COL5A2: variants seen among roughly 807,000 people sequenced by gnomAD.
The protein encoded by COL5A2 is collagen type V alpha 2 chain.
Under a neutral mutation model 208.2 loss-of-function variants are expected in COL5A2, and 23 were observed. The ratio of observed to expected loss-of-function variants is 0.11; its 90% CI spans 0.08 to 0.16. COL5A2 has a LOEUF of 0.16. COL5A2 is among the 10% of genes least tolerant of loss of function. COL5A2 has a pLI of 1.00. For missense variants in COL5A2, 1,590 were observed against 1,956.4 expected (o/e 0.81, Z 3.53); for synonymous variants, 625 against 628.5 (o/e 0.99, Z 0.08).
the COL5A2 span, among the ~76,000 whole-genome samples, chr2:189,369,561 A>G: frequency 6.6e-5 from 10 of 152,160 alleles, no homozygotes; most frequent in Non-Finnish European, 8.8e-5. Context: ...GAATATCTAT[A>G]TATTCTGAAT....
chr2:189,357,892 G>C, the COL5A2 span, among the ~76,000 whole-genome samples: 4 of 152,070 alleles, frequency 2.6e-5, no homozygotes, highest in African/African-American at 9.7e-5. Context: ...GGGTTGTGAA[G>C]ACTGTGGGGA....
chr2:189,329,853 G>C, the COL5A2 span, among the ~76,000 whole-genome samples: 1 of 151,130 alleles, frequency 6.6e-6, no homozygotes, highest in Non-Finnish European at 1.5e-5. Context: ...AGTCAGAAGA[G>C]ATTGTCACTC....
intron 3 of COL5A2, among the ~76,000 whole-genome samples, chr2:189,102,269 T>C (rs1363835561): frequency 6.6e-6 from 1 of 152,082 alleles, no homozygotes; most frequent in East Asian, 1.9e-4. Flanking sequence ...ATACTTGCTT[T>C]ATATGTAGGG....
intron 33 of COL5A2, among the ~76,000 whole-genome samples, chr2:189,058,121 T>C (rs975138428): frequency 6.6e-6 from 1 of 152,196 alleles, no homozygotes; most frequent in Non-Finnish European, 1.5e-5. Flanking sequence ...TCTATTTCTT[T>C]CCTCTGTTTA....
At chr2:189,147,259 C>A (rs1210529105) in intron 1 of COL5A2, among the ~76,000 whole-genome samples, 13 of 152,074 alleles carry the variant, frequency 8.5e-5, no homozygotes, top group African/African-American at 3.1e-4. Flanking sequence ...AACATCTATA[C>A]GAAAATTATG....
At chr2:189,114,784 T>A (rs2105722472) in intron 1 of COL5A2, among the ~76,000 whole-genome samples, 1 of 152,052 alleles carries the variant, frequency 6.6e-6, no homozygotes, top group East Asian at 1.9e-4. Flanking sequence ...GGCTGATGGG[T>A]GCAGCAAACC....
intron 1 of COL5A2, among the ~76,000 whole-genome samples, chr2:189,130,991 T>C (rs1687703865): frequency 6.6e-6 from 1 of 152,118 alleles, no homozygotes; most frequent in Non-Finnish European, 1.5e-5. Flanking sequence ...TTATACTTAC[T>C]AACCATACAA....
the COL5A2 span, among the ~76,000 whole-genome samples, chr2:189,350,755 G>A: frequency 6.6e-6 from 1 of 152,148 alleles, no homozygotes; most frequent in African/African-American, 2.4e-5. Context: ...TTGATACTTT[G>A]TGGCCAGGAG....
At chr2:189,172,965 CTTCTT>C (rs963313248) in intron 1 of COL5A2, among the ~76,000 whole-genome samples, 6 of 120,190 alleles carry the variant, frequency 5.0e-5, no homozygotes, top group African/African-American at 1.3e-4. Context: ...CATTTTTCCT[CTTCTT>C]TTTTTTTTTT....
At chr2:189,335,009 T>C in the COL5A2 span, among the ~76,000 whole-genome samples, 3 of 151,948 alleles carry the variant, frequency 2.0e-5, no homozygotes, top group African/African-American at 4.8e-5. Context: ...ATATTAGTAC[T>C]CTCTATCCAT....
At chr2:189,313,209 T>C in the COL5A2 span, among the ~76,000 whole-genome samples, 1 of 152,146 alleles carries the variant, frequency 6.6e-6, no homozygotes, top group Non-Finnish European at 1.5e-5. Flanking sequence ...AATGTGGGCT[T>C]ATGTAAACAG....
chr2:189,261,174 T>A, the COL5A2 span, among the ~76,000 whole-genome samples: 1 of 152,134 alleles, frequency 6.6e-6, no homozygotes, highest in Admixed American at 6.6e-5. Context: ...CCATTCAGCA[T>A]CTTTAGTGTT....
the COL5A2 span, among the ~76,000 whole-genome samples, chr2:189,435,010 G>T: frequency 6.6e-6 from 1 of 152,146 alleles, no homozygotes; most frequent in Non-Finnish European, 1.5e-5. Flanking sequence ...CAGAGGCTCA[G>T]AAATAACACC....
chr2:189,323,536 C>G, the COL5A2 span, among the ~76,000 whole-genome samples: 46 of 152,202 alleles, frequency 3.0e-4, 1 homozygote, highest in African/African-American at 1.1e-3. Context: ...AACAGACAAA[C>G]AGAGAGCCAA....
At chr2:189,050,839 G>A (rs889319030) in intron 42 of COL5A2, among the ~76,000 whole-genome samples, 163 bp from the exon 43 acceptor site, 4 of 152,192 alleles carry the variant, frequency 2.6e-5, no homozygotes, top group Non-Finnish European at 4.4e-5. Flanking sequence ...ATTGTAATCC[G>A]CACAGAACCT....
In COL5A2 at chr2:189,032,480, T is replaced by C. The variant is rs928275645; in HGVS notation, c.*1590A>G. ...ACTATTGGAAATGAAATAGATCTAA[T>C]ATGGTCAAAGGAATTTCACAAAACA... is the stretch of plus-strand genomic sequence containing the variant. On this transcript the variant is annotated 3_prime_UTR_variant, in exon 54 of 54. Coordinates refer to ENST00000374866, the MANE Select transcript of COL5A2 (RefSeq NM_000393.5). The C allele has an allele frequency of 1.3e-5, 2 of 152,158 alleles. No homozygotes were observed. The highest frequency in any genetic ancestry group is 4.8e-5 in the African/African-American group (2 of 41,452). The allele number at this position is 152,158 out of a possible 1,614,324, so 9.4% of individuals were successfully genotyped here. A position where few individuals can be genotyped will look rare whatever the true frequency, so the allele number is the denominator to read the frequency against.
intron 1 of COL5A2, among the ~76,000 whole-genome samples, chr2:189,120,521 T>C (rs1687479068): frequency 6.6e-6 from 1 of 152,202 alleles, no homozygotes; most frequent in African/African-American, 2.4e-5. Flanking sequence ...TATGGAAATA[T>C]AAAATTCTGT....
chr2:189,287,549 T>C, the COL5A2 span, among the ~76,000 whole-genome samples: 2 of 152,156 alleles, frequency 1.3e-5, no homozygotes, highest in South Asian at 2.1e-4. Flanking sequence ...TATCACTTCC[T>C]TTAAGAGGCT....
At chr2:189,316,037 T>C in the COL5A2 span, among the ~76,000 whole-genome samples, 1 of 152,316 alleles carries the variant, frequency 6.6e-6, no homozygotes, top group East Asian at 1.9e-4. Flanking sequence ...TCAGCCATTG[T>C]GGAAGACAGT....
Sources: allele counts gnomAD v4.1 joint callset (sites outside exome capture counted in the v4.1 genomes callset), GRCh38; gene constraint gnomAD v4.1.1; transcripts MANE v1.5; gene names NCBI Gene and HGNC (gene_info 2026-07-23, HGNC 2026-07-21).